VPS13B: variants seen among roughly 807,000 people sequenced by gnomAD.
VPS13B encodes intermembrane lipid transfer protein VPS13B.
VPS13B carries 285 observed loss-of-function variants against 426.4 expected under a neutral mutation model. That is an observed-to-expected ratio of 0.67 (90% CI 0.61 to 0.74). The LOEUF (loss-of-function observed/expected upper bound fraction) is 0.74, where lower values mean the gene tolerates loss of function less well. Among genes scored for constraint, VPS13B ranks in the 30% least tolerant of loss-of-function variants. The probability of loss-of-function intolerance (pLI) is 0.00; values close to 1 mark genes in which losing one functional copy is unlikely to be tolerated. For missense variants in VPS13B, 4,537 were observed against 4,782.6 expected, an observed-to-expected ratio of 0.95 and a Z score of 1.51; for synonymous variants, 1,676 against 1,676.4, an observed-to-expected ratio of 1.00 and a Z score of 0.01.
At chr8:99,353,893 A>G (rs1812037359) in intron 19 of VPS13B, among the ~76,000 whole-genome samples, 1 of 152,156 alleles carries the variant, frequency 6.6e-6, no homozygotes. Flanking sequence ...AATATTGTCT[A>G]TGATTTTATG....
At chr8:99,473,110 TTTCCCAGAA>T (rs1458619480) in intron 24 of VPS13B, among the ~76,000 whole-genome samples, 2 of 152,056 alleles carry the variant, frequency 1.3e-5, no homozygotes, top group Non-Finnish European at 2.9e-5. Flanking sequence ...TCACAAATGT[TTTCCCAGAA>T]ATGAAGCCTG....
chr8:99,734,115 T>C (rs143123801), intron 39 of VPS13B, among the ~76,000 whole-genome samples: 53 of 152,354 alleles, frequency 3.5e-4, no homozygotes, highest in Admixed American at 8.5e-4. Context: ...AGTGGAATCA[T>C]ATAAATATAG....
chr8:99,134,313 A>G (rs1809957526), intron 8 of VPS13B, among the ~76,000 whole-genome samples: 3 of 152,190 alleles, frequency 2.0e-5, no homozygotes, highest in African/African-American at 4.8e-5. Flanking sequence ...GTTATACTAT[A>G]TGTAAATTTT....
At chr8:99,658,286 C>A (rs1830094071) in intron 34 of VPS13B, among the ~76,000 whole-genome samples, 1 of 151,946 alleles carries the variant, frequency 6.6e-6, no homozygotes, top group Admixed American at 6.6e-5. Flanking sequence ...GAAGGCTTTG[C>A]TAAATAAGGC....
intron 35 of VPS13B, among the ~76,000 whole-genome samples, chr8:99,692,149 A>G (rs1831702698): frequency 6.9e-6 from 1 of 145,222 alleles, no homozygotes; most frequent in African/African-American, 2.6e-5. Flanking sequence ...CAGAAAGTCA[A>G]CAAGGATACC....
At chr8:99,490,778 T>G (rs1225154300) in intron 25 of VPS13B, among the ~76,000 whole-genome samples, 1 of 152,180 alleles carries the variant, frequency 6.6e-6, no homozygotes. Flanking sequence ...TGTGTCTATT[T>G]GATTCTTCTC....
At chr8:99,363,232 T>G (rs561681962) in intron 19 of VPS13B, among the ~76,000 whole-genome samples, 203 of 152,192 alleles carry the variant, frequency 1.3e-3, no homozygotes, top group Non-Finnish European at 2.4e-3. Flanking sequence ...CCTATGGATA[T>G]CTAGTTTTCC....
At chr8:99,169,422 G>A (rs888293828) in intron 15 of VPS13B, among the ~76,000 whole-genome samples, 5 of 151,910 alleles carry the variant, frequency 3.3e-5, no homozygotes, top group African/African-American at 1.2e-4. Flanking sequence ...AGTATGGTCT[G>A]CTTGCTTTAA....
chr8:99,781,404 C>G (rs1298985198), intron 42 of VPS13B, among the ~76,000 whole-genome samples: 1 of 152,100 alleles, frequency 6.6e-6, no homozygotes, highest in Non-Finnish European at 1.5e-5. Flanking sequence ...GTATGACACT[C>G]CATGAAACTT....
At position 99,064,370 on chromosome 8, in the gene VPS13B, G is replaced by C. The variant is rs188076281; in HGVS notation, c.291+25804G>C. On this transcript the variant is annotated intron_variant, in intron 3 of 61. Transcript: ENST00000357162. ...AGCTAAAAACCTTGAAAAAAGATTA[G>C]ACGAATGGCTAACTAGAATAAACAG... is the stretch of plus-strand genomic sequence containing the variant. 3.9e-3 allele frequency among the ~76,000 whole-genome samples: 594 copies of C among 152,304 alleles called. 3 individuals are homozygous for C. Among genetic ancestry groups the C allele is most frequent in the Non-Finnish European group, 6.9e-3 (470 of 68,026 alleles).
At chr8:99,674,796 C>A (rs1830861789) in intron 35 of VPS13B, among the ~76,000 whole-genome samples, 1 of 152,004 alleles carries the variant, frequency 6.6e-6, no homozygotes, top group African/African-American at 2.4e-5. Flanking sequence ...TTATTTTAAG[C>A]TAATAACAAT....
chr8:99,203,057 A>G (rs1588137465), intron 17 of VPS13B, among the ~76,000 whole-genome samples: 1 of 152,172 alleles, frequency 6.6e-6, no homozygotes, highest in East Asian at 1.9e-4. Context: ...AAAAAAAAAA[A>G]AAAAAGGAAA....
intron 39 of VPS13B, among the ~76,000 whole-genome samples, chr8:99,748,468 A>C (rs1159952979): frequency 6.6e-6 from 1 of 152,092 alleles, no homozygotes; most frequent in African/African-American, 2.4e-5. Flanking sequence ...TGATATGTTC[A>C]GTTGATATGT....
chr8:99,596,510 C>T (rs541582771), intron 33 of VPS13B, among the ~76,000 whole-genome samples: 2 of 152,084 alleles, frequency 1.3e-5, no homozygotes, highest in South Asian at 2.1e-4. Flanking sequence ...GACCCTGTCT[C>T]CTCTCTTGTT....
chr8:99,197,982 C>T (rs775203999), intron 17 of VPS13B, among the ~76,000 whole-genome samples: 9 of 152,036 alleles, frequency 5.9e-5, no homozygotes, highest in African/African-American at 9.7e-5. Context: ...GCAAAAAACA[C>T]GATTACATTT....
chr8:99,665,699 C>T (rs558316480), intron 35 of VPS13B, among the ~76,000 whole-genome samples: 23 of 152,214 alleles, frequency 1.5e-4, no homozygotes, highest in African/African-American at 5.5e-4. Flanking sequence ...GGTACCAGTA[C>T]CATGCTGTTT....
At chr8:99,201,418 G>A (rs960581860) in intron 17 of VPS13B, among the ~76,000 whole-genome samples, 1 of 152,112 alleles carries the variant, frequency 6.6e-6, no homozygotes, top group Non-Finnish European at 1.5e-5. Context: ...TTGGACTAAT[G>A]TGCCACCAAA....
intron 33 of VPS13B, among the ~76,000 whole-genome samples, chr8:99,599,575 A>C (rs1042549588): frequency 6.6e-6 from 1 of 152,130 alleles, no homozygotes; most frequent in African/African-American, 2.4e-5. Context: ...TTTTCTAACA[A>C]GCAACTTCTG....
chr8:99,121,334 C>A lies in VPS13B; in HGVS notation c.1095C>A (p.Asp365Glu). The change falls in exon 8 of 62, where the codon GAC becomes GAA. Residue 365 changes from aspartate (D) to glutamate (E), a missense_variant. By Grantham distance (45) the Asp-to-Glu change is conservative (BLOSUM62 2). Coordinates refer to ENST00000357162, the MANE Select transcript of VPS13B (RefSeq NM_152564.5). Reference protein sequence around the residue: ...AIVSYDDGEEDFVGNDPASTM... With the variant: ...AIVSYDDGEEEFVGNDPASTM... ...TGAGTTATGACGATGGCGAGGAAGA[C>A]TTTGTTGGGAACGATCCTGCATCAA... is the stretch of plus-strand genomic sequence containing the variant. 1.2e-6 allele frequency: 2 copies of A among 1,614,140 alleles called. No individual in the cohort carries two copies. Among genetic ancestry groups the A allele is most frequent in the South Asian group, 2.2e-5 (2 of 91,080 alleles).
Sources: gnomAD v4.1 joint callset for allele counts (sites outside exome capture counted in the v4.1 genomes callset) on GRCh38, gnomAD v4.1.1 for gene constraint, MANE v1.5 for transcripts, NCBI Gene and HGNC (gene_info 2026-07-23, HGNC 2026-07-21) for gene names.